GLI2: variants seen among roughly 807,000 people sequenced by gnomAD.
The protein encoded by GLI2 is GLI family zinc finger 2, also known as transcription activator GLI2.
In GLI2, 22 loss-of-function variants were observed where a neutral mutation model predicts 78.9. The ratio of observed to expected loss-of-function variants is 0.28; its 90% CI spans 0.20 to 0.40. GLI2 has a LOEUF of 0.40. GLI2 is among the 10% of genes least tolerant of loss of function. GLI2 has a pLI of 1.00. For synonymous variants in GLI2, 974 were observed against 963.7 expected (o/e 1.01, Z -0.20); for missense variants, 2,097 against 2,213.2 (o/e 0.95, Z 1.05).
At chr2:120,946,560 C>T (rs1161992395) in intron 3 of GLI2, among the ~76,000 whole-genome samples, 4 of 152,150 alleles carry the variant, frequency 2.6e-5, no homozygotes, top group Non-Finnish European at 4.4e-5. Flanking sequence ...ACTGGATGGC[C>T]GTGGCTCACA....
At chr2:120,943,426 G>A (rs1345428112) in intron 3 of GLI2, among the ~76,000 whole-genome samples, 1 of 152,216 alleles carries the variant, frequency 6.6e-6, no homozygotes, top group Non-Finnish European at 1.5e-5. Context: ...TGGGATTGTG[G>A]CCCCTCGCCT....
In GLI2 at chr2:120,758,039, A is replaced by G. The variant is rs528323918; in HGVS notation, c.-31+21754A>G. On this transcript the variant is annotated intron_variant, in intron 1 of 13. Transcript: ENST00000361492. The stretch of plus-strand genomic sequence containing the variant: ...TGATTTTAAGTGGTGTGAGTGGTCC[A>G]CTGTAAGGATAGTCCTCACCCTGAT... Among the ~76,000 whole-genome samples the G allele has an allele frequency of 2.6e-5, 4 of 152,304 alleles. No homozygotes were observed. The South Asian group carries it at 8.3e-4, about 32-fold the overall frequency.
In GLI2 at chr2:120,797,317, T is replaced by C; in HGVS notation, c.-4T>C. The C allele has an allele frequency of 6.2e-7, 1 of 1,613,892 alleles. No homozygotes were observed. Among genetic ancestry groups the C allele is most frequent in the Non-Finnish European group, 8.5e-7 (1 of 1,179,916 alleles). On this transcript the variant is annotated 5_prime_UTR_variant, in exon 2 of 14. It removes the in-frame stop codon of an upstream open reading frame in the 5' UTR. Coordinates refer to ENST00000361492, the MANE Select transcript of GLI2 (RefSeq NM_001374353.1). ...ATTGCCACCCAGGACGATGAGCGGCTGAGATGGAGACGTCTGCCTCAGCCA... is the reference window on the plus strand; with the variant it reads ...ATTGCCACCCAGGACGATGAGCGGCCGAGATGGAGACGTCTGCCTCAGCCA...
In GLI2 at chr2:120,890,442, CATATATAT is replaced by C. The variant is rs70954512; in HGVS notation, c.149-36907_149-36900del. ...ATAAAACTAAATGCACACACATTCA[CATATATAT>C]ATATATATATACACATAAAACTAAA... On this transcript the variant is annotated intron_variant, in intron 2 of 13. Coordinates refer to ENST00000361492, the MANE Select transcript of GLI2 (RefSeq NM_001374353.1). Among the ~76,000 whole-genome samples, 511 of 149,838 alleles carry C rather than the reference CATATATAT, an allele frequency of 3.4e-3. 3 individuals carry two copies. Among genetic ancestry groups the C allele is most frequent in the African/African-American group, 0.012 (475 of 41,086 alleles).
chr2:120,904,634 G>A (rs1367153078), intron 2 of GLI2, among the ~76,000 whole-genome samples: 1 of 152,194 alleles, frequency 6.6e-6, no homozygotes, highest in Non-Finnish European at 1.5e-5. Context: ...AGGAGGAGGC[G>A]CAGCTGTTCT....
chr2:120,933,521 G>A (rs865980112), intron 3 of GLI2, among the ~76,000 whole-genome samples: 3 of 152,150 alleles, frequency 2.0e-5, no homozygotes, highest in Admixed American at 2.0e-4. Context: ...TGTGAATAGG[G>A]CCACACACCC....
Position 120,991,923 on chromosome 2 carries a change from A to T in GLI2, c.*1248A>T, listed in dbSNP as rs1388102236. ...TTCCTGTTCAGTGTGACCAAGACCC[A>T]CCTGGAAATGGAATTTGGAACTGGC... On this transcript the variant is annotated 3_prime_UTR_variant, in exon 14 of 14. Transcript: ENST00000361492. 6.6e-6 allele frequency: 1 copy of T among 151,762 alleles called. No homozygotes were observed. The highest frequency in any genetic ancestry group is 1.9e-4 in the East Asian group (1 of 5,162). 9.4% of individuals were successfully genotyped at this position (151,762 alleles called of 1,614,324 possible). A position where few individuals can be genotyped will look rare whatever the true frequency, so the allele number is the denominator to read the frequency against.
At chr2:120,945,957 T>TCACACACACACACACACACACA (rs3223143) in intron 3 of GLI2, among the ~76,000 whole-genome samples, 1,858 of 134,228 alleles carry the variant, frequency 0.014, 46 homozygotes, top group South Asian at 0.018. Context: ...CATAACCTTC[T>TCACACACACACACACACACACA]CACACACACA....
intron 7 of GLI2, among the ~76,000 whole-genome samples, chr2:120,971,019 T>C (rs1021422516): frequency 6.6e-6 from 1 of 152,226 alleles, no homozygotes; most frequent in Non-Finnish European, 1.5e-5. Flanking sequence ...TGAGCATGCC[T>C]GGGCATCCTA....
chr2:120,766,539 GC>G (rs1004881092), intron 1 of GLI2, among the ~76,000 whole-genome samples: 9 of 152,200 alleles, frequency 5.9e-5, no homozygotes, highest in Non-Finnish European at 1.3e-4. Flanking sequence ...GGAAAGAAAG[GC>G]CCTCCCCTGA....
chr2:120,769,310 G>C (rs1372720520), intron 1 of GLI2, among the ~76,000 whole-genome samples: 2 of 152,220 alleles, frequency 1.3e-5, no homozygotes, highest in Non-Finnish European at 2.9e-5. Flanking sequence ...TGAGCCCATG[G>C]CCAGTGTTGG....
intron 9 of GLI2, 49 bp from the exon 10 acceptor site, chr2:120,978,385 G>C: frequency 6.2e-7 from 1 of 1,609,660 alleles, no homozygotes; most frequent in Non-Finnish European, 8.5e-7. Flanking sequence ...GGGGTGGTCT[G>C]TGGGCCTCTG....
chr2:120,876,971 A>T (rs895232127), intron 2 of GLI2, among the ~76,000 whole-genome samples: 1 of 152,196 alleles, frequency 6.6e-6, no homozygotes, highest in African/African-American at 2.4e-5. Flanking sequence ...GCCCCATGGA[A>T]CCTGGGCTGG....
intron 2 of GLI2, among the ~76,000 whole-genome samples, chr2:120,805,392 C>T (rs1029080100): frequency 6.6e-6 from 1 of 152,264 alleles, no homozygotes; most frequent in African/African-American, 2.4e-5. Context: ...TGTCAGAGGA[C>T]AGTGCCGGTG....
intron 1 of GLI2, among the ~76,000 whole-genome samples, chr2:120,767,328 G>A (rs1224212883): frequency 6.6e-6 from 1 of 151,876 alleles, no homozygotes; most frequent in African/African-American, 2.4e-5. Context: ...GCAGGGTGCT[G>A]GGCTGGGTGC....
chr2:120,773,783 C>A (rs1015243091), intron 1 of GLI2, among the ~76,000 whole-genome samples: 1 of 152,082 alleles, frequency 6.6e-6, no homozygotes, highest in East Asian at 1.9e-4. Flanking sequence ...AGCCAGGCCG[C>A]TTCATGGAGG....
At chr2:120,889,781 T>G (rs1184457152) in intron 2 of GLI2, among the ~76,000 whole-genome samples, 1 of 152,198 alleles carries the variant, frequency 6.6e-6, no homozygotes, top group Non-Finnish European at 1.5e-5. Flanking sequence ...GAGCGAGGTA[T>G]TATACACACA....
In GLI2 at chr2:120,992,324, C is replaced by T. The variant is rs1269229065; in HGVS notation, c.*1649C>T. 1 of 152,168 alleles carries T rather than the reference C, an allele frequency of 6.6e-6. No homozygotes were observed. Among genetic ancestry groups the T allele is most frequent in the Non-Finnish European group, 1.5e-5 (1 of 68,046 alleles). The allele number at this position is 152,168 out of a possible 1,614,324, so 9.4% of individuals were successfully genotyped here. On this transcript the variant is annotated 3_prime_UTR_variant, in exon 14 of 14. Coordinates refer to ENST00000361492, the MANE Select transcript of GLI2 (RefSeq NM_001374353.1). ...CTGAGATAGGATTTCCCTTGCCAGT[C>T]CCAACCTGTATATATTCTGTACAGA...
chr2:120,827,766 A>G (rs116838517), intron 2 of GLI2, among the ~76,000 whole-genome samples: 282 of 152,358 alleles, frequency 1.9e-3, no homozygotes, highest in African/African-American at 6.6e-3. Context: ...GCTAAGTGAA[A>G]TAAGTCAGTC....
Sources: gnomAD v4.1 joint callset for allele counts (sites outside exome capture counted in the v4.1 genomes callset) on GRCh38, gnomAD v4.1.1 for gene constraint, MANE v1.5 for transcripts, NCBI Gene and HGNC (gene_info 2026-07-23, HGNC 2026-07-21) for gene names.